CUL4A: variants seen among roughly 807,000 people sequenced by gnomAD.
CUL4A encodes cullin-4A.
Under a neutral mutation model 95.5 loss-of-function variants are expected in CUL4A, and 16 were observed. The observed-to-expected ratio is 0.17, with a 90% CI of 0.11 to 0.25. The LOEUF is 0.25. Among genes scored for constraint, CUL4A ranks in the 10% least tolerant of loss-of-function variants. The pLI is 1.00. For missense variants in CUL4A, 610 were observed against 937.0 expected, an observed-to-expected ratio of 0.65 and a Z score of 4.56; for synonymous variants, 380 against 353.1, an observed-to-expected ratio of 1.08 and a Z score of -0.85.
rs768583742 is a variant in CUL4A at position 113,233,157 on chromosome 13, G to A, written c.513-20G>A. On this transcript the variant is annotated intron_variant, in intron 5 of 19. Transcript: ENST00000375440. ...AAAAGCGAAACTAAAATGTAGTCCTGTTTCTTACTGTCTATACAGGGATAT... is the reference window on the plus strand; with the variant it reads ...AAAAGCGAAACTAAAATGTAGTCCTATTTCTTACTGTCTATACAGGGATAT... 5.0e-6 allele frequency: 8 copies of A among 1,604,704 alleles called. No individual in the cohort carries two copies. The South Asian group carries it at 8.9e-5, about 18-fold the overall frequency.
At chr13:113,247,112 G>T (rs992801807) in intron 15 of CUL4A, among the ~76,000 whole-genome samples, 1 of 152,076 alleles carries the variant, frequency 6.6e-6, no homozygotes, top group African/African-American at 2.4e-5. Context: ...GGTGGGGGAA[G>T]GTCCCAGACT....
At chr13:113,219,192 C>T (rs995931832) in intron 3 of CUL4A, 144 bp downstream of exon 3, 17 of 497,126 alleles carry the variant, frequency 3.4e-5, no homozygotes, top group Non-Finnish European at 5.6e-5. Context: ...GGTTTGTAAG[C>T]GAAATTTACC....
intron 18 of CUL4A, among the ~76,000 whole-genome samples, chr13:113,255,879 A>G (rs1481321824): frequency 6.6e-6 from 1 of 152,148 alleles, no homozygotes; most frequent in African/African-American, 2.4e-5. Context: ...GCAGGTTTTT[A>G]TGTGGACTTA....
At chr13:113,210,767 TTATTTC>T (rs1279737681) in intron 2 of CUL4A, among the ~76,000 whole-genome samples, 5 of 149,884 alleles carry the variant, frequency 3.3e-5, no homozygotes, top group Non-Finnish European at 7.4e-5. Flanking sequence ...TGTCATACAA[TTATTTC>T]TATTAAAAGG....
chr13:113,227,967 G>A lies in CUL4A; in HGVS notation c.369-9G>A, dbSNP rs1170613128. ...AGCATTTTTAAAGTTTTCCTTAGCA[G>A]ATCTGTACAGACTCACTAGATAGTG... is the stretch of plus-strand genomic sequence containing the variant. On this transcript the variant is annotated splice_polypyrimidine_tract_variant and intron_variant, in intron 3 of 19. Transcript: ENST00000375440. The A allele has an allele frequency of 6.3e-7, 1 of 1,583,626 alleles. No individual in the cohort carries two copies. The highest frequency in any genetic ancestry group is 8.7e-7 in the Non-Finnish European group (1 of 1,153,916).
intron 11 of CUL4A, chr13:113,244,122 T>G: frequency 3.6e-6 from 1 of 281,140 alleles, no homozygotes. Context: ...AACCTGAGCA[T>G]GTATTTGCTG....
chr13:113,237,133 C>T (rs967581511), intron 9 of CUL4A, among the ~76,000 whole-genome samples: 2 of 152,174 alleles, frequency 1.3e-5, no homozygotes, highest in Non-Finnish European at 2.9e-5. Context: ...CAGGAAGGCC[C>T]GGCAGACCTT....
intron 4 of CUL4A, among the ~76,000 whole-genome samples, chr13:113,228,667 C>T (rs2041196292): frequency 6.6e-6 from 1 of 151,962 alleles, no homozygotes; most frequent in African/African-American, 2.4e-5. Context: ...ATGGTAGGAG[C>T]ACAGGACAGG....
chr13:113,237,134 G>A (rs979005651), intron 9 of CUL4A, among the ~76,000 whole-genome samples: 7 of 152,158 alleles, frequency 4.6e-5, no homozygotes, highest in South Asian at 2.1e-4. Flanking sequence ...AGGAAGGCCC[G>A]GCAGACCTTC....
At position 113,222,493 on chromosome 13, in the gene CUL4A, C is replaced by T. The variant is rs139322162; in HGVS notation, c.368+3445C>T. ...CACGTTGATTTGGAAGGAGGAGACA[C>T]GGATTGAGGCGGGGAGGGTCTGTCG... On this transcript the variant is annotated intron_variant, in intron 3 of 19. Transcript: ENST00000375440. 3.8e-3 allele frequency among the ~76,000 whole-genome samples: 571 copies of T among 151,562 alleles called. 1 individual carries two copies. The highest frequency in any genetic ancestry group is 6.8e-3 in the Middle Eastern group (2 of 294).
chr13:113,209,398 G>A (rs2040239307), upstream of CUL4A: 1 of 152,720 alleles, frequency 6.5e-6, no homozygotes, highest in Non-Finnish European at 1.4e-5. Context: ...GCCAGGAGGG[G>A]GTGTCCGAAT....
intron 4 of CUL4A, among the ~76,000 whole-genome samples, chr13:113,228,786 T>C (rs2041201467): frequency 6.6e-6 from 1 of 151,724 alleles, no homozygotes; most frequent in African/African-American, 2.4e-5. Flanking sequence ...GCTAAGTGCA[T>C]CTCCCTAATC....
At chr13:113,222,871 G>A (rs1330197196) in intron 3 of CUL4A, among the ~76,000 whole-genome samples, 1 of 152,170 alleles carries the variant, frequency 6.6e-6, no homozygotes, top group Admixed American at 6.5e-5. Flanking sequence ...CTGCACTCCA[G>A]CCTGAGCAGC....
In CUL4A at chr13:113,232,244, A is replaced by G. The variant is rs1200609353; in HGVS notation, c.513-933A>G. ...CTGCCACCACTACCCGCCCACCACC[A>G]TTACTGCTGCCACCACTACCCGCCC... On this transcript the variant is annotated intron_variant, in intron 5 of 19. Coordinates refer to ENST00000375440, the MANE Select transcript of CUL4A (RefSeq NM_001008895.4). Among the ~76,000 whole-genome samples the G allele has an allele frequency of 1.4e-3, 14 of 9,810 alleles. 4 individuals carry two copies. Among genetic ancestry groups the G allele is most frequent in the African/African-American group, 2.4e-3 (14 of 5,934 alleles). 6.4% of individuals were successfully genotyped at this position (9,810 alleles called of 152,430 possible).
intron 3 of CUL4A, among the ~76,000 whole-genome samples, chr13:113,221,156 G>A (rs539073136): frequency 5.9e-5 from 9 of 152,266 alleles, no homozygotes; most frequent in South Asian, 2.1e-4. Flanking sequence ...CCCGAGCAGC[G>A]GGCACAACTA....
chr13:113,245,869 A>G, intron 14 of CUL4A, 87 bp from the exon 15 acceptor site: 2 of 1,002,588 alleles, frequency 2.0e-6, no homozygotes, highest in East Asian at 2.7e-5. Context: ...GAAACTTTAT[A>G]TTGAAAATTA....
chr13:113,229,665 G>A (rs911310835), intron 5 of CUL4A, 146 bp downstream of exon 5: 9 of 669,264 alleles, frequency 1.3e-5, no homozygotes, highest in Non-Finnish European at 1.8e-5. Flanking sequence ...CGTGAACGTA[G>A]GAGTCCAGGT....
At chr13:113,218,162 C>T (rs570742876) in intron 2 of CUL4A, among the ~76,000 whole-genome samples, 112 of 152,058 alleles carry the variant, frequency 7.4e-4, no homozygotes, top group African/African-American at 2.4e-3. Context: ...CGCTTGAACC[C>T]GGGAGGTGGA....
At chr13:113,236,770 C>T in intron 8 of CUL4A, 53 bp from the exon 9 acceptor site, 1 of 1,208,320 alleles carries the variant, frequency 8.3e-7, no homozygotes, top group East Asian at 2.4e-5. Flanking sequence ...TGCAGAGAAC[C>T]AGTCTCTTCT....
Sources: allele counts gnomAD v4.1 joint callset (sites outside exome capture counted in the v4.1 genomes callset), GRCh38; gene constraint gnomAD v4.1.1; transcripts MANE v1.5; gene names NCBI Gene and HGNC (gene_info 2026-07-23, HGNC 2026-07-21).